LOC400499: variants seen among roughly 807,000 people sequenced by gnomAD.
chr16:11,447,776 A>C, the LOC400499 span, among the ~76,000 whole-genome samples: 533 of 152,108 alleles, frequency 3.5e-3, 2 homozygotes, highest in Non-Finnish European at 5.8e-3. Flanking sequence ...CTTTCAGGGG[A>C]GGTGGCTCTT....
the LOC400499 span, chr16:11,401,471 C>G: frequency 2.5e-6 from 1 of 399,274 alleles, no homozygotes; most frequent in African/African-American, 2.1e-5. Flanking sequence ...TTCCCACCCG[C>G]ACAGACCACC....
chr16:11,473,781 T>C, the LOC400499 span, among the ~76,000 whole-genome samples: 1 of 151,308 alleles, frequency 6.6e-6, no homozygotes, highest in Non-Finnish European at 1.5e-5. Context: ...TTATGCGATA[T>C]GTCAATAACT....
the LOC400499 span, chr16:11,460,059 G>T: frequency 1.4e-6 from 2 of 1,409,322 alleles, no homozygotes; most frequent in East Asian, 2.6e-5. Context: ...CTGGACCTGG[G>T]ACACACATGG....
chr16:11,427,186 C>T, the LOC400499 span, among the ~76,000 whole-genome samples: 3 of 151,162 alleles, frequency 2.0e-5, no homozygotes, highest in South Asian at 4.2e-4. Context: ...GGAGAAACCC[C>T]GTCTCTACTA....
At chr16:11,469,571 TG>T in the LOC400499 span, 1 of 398,980 alleles carries the variant, frequency 2.5e-6, no homozygotes, top group Non-Finnish European at 4.4e-6. Flanking sequence ...TGGGGCAAGC[TG>T]TAGCTCATGT....
chr16:11,439,178 C>T, the LOC400499 span, among the ~76,000 whole-genome samples: 1 of 152,170 alleles, frequency 6.6e-6, no homozygotes, highest in South Asian at 2.1e-4. Context: ...GATTACATGG[C>T]TTCTCCCAAG....
chr16:11,449,454 C>A, the LOC400499 span, among the ~76,000 whole-genome samples: 8 of 152,294 alleles, frequency 5.3e-5, no homozygotes, highest in African/African-American at 1.9e-4. Context: ...GCCTTCTCTC[C>A]CTGCACCATC....
At chr16:11,399,438 G>A in the LOC400499 span, 1 of 411,164 alleles carries the variant, frequency 2.4e-6, no homozygotes, top group African/African-American at 2.0e-5. Context: ...CCGCCTGGGG[G>A]TTCCCTGCCC....
chr16:11,373,757 T>C, the LOC400499 span, among the ~76,000 whole-genome samples: 2 of 152,170 alleles, frequency 1.3e-5, no homozygotes, highest in Admixed American at 1.3e-4. Context: ...GTAGCTGGGA[T>C]TACAGGTACA....
chr16:11,417,767 G>C, the LOC400499 span: 1 of 399,064 alleles, frequency 2.5e-6, no homozygotes, highest in Non-Finnish European at 4.4e-6. Context: ...GAGTAGTTGA[G>C]GAATGTGGGC....
chr16:11,462,583 C>T, the LOC400499 span: 8 of 259,552 alleles, frequency 3.1e-5, no homozygotes, highest in African/African-American at 1.2e-4. Context: ...CCACCACACC[C>T]GGCTAATTTT....
chr16:11,372,138 A>T, the LOC400499 span: 1 of 152,220 alleles, frequency 6.6e-6, no homozygotes, highest in Non-Finnish European at 1.5e-5. Flanking sequence ...CCCCTACCAA[A>T]ACAGAGGCCC....
the LOC400499 span, among the ~76,000 whole-genome samples, chr16:11,446,336 T>C: frequency 6.6e-6 from 1 of 152,070 alleles, no homozygotes. Flanking sequence ...TTTTTTTTCT[T>C]TTGTAGAAAC....
At chr16:11,489,700 C>A in the LOC400499 span, among the ~76,000 whole-genome samples, 1 of 152,208 alleles carries the variant, frequency 6.6e-6, no homozygotes, top group Admixed American at 6.5e-5. Context: ...AGGCTGAGCC[C>A]CTCAGCTGAT....
At chr16:11,469,323 G>A in the LOC400499 span, 1 of 399,228 alleles carries the variant, frequency 2.5e-6, no homozygotes, top group Non-Finnish European at 4.4e-6. Context: ...CGTCCCCCTG[G>A]GAGGACTGCC....
chr16:11,414,620 C>T, the LOC400499 span: 8 of 398,656 alleles, frequency 2.0e-5, no homozygotes, highest in East Asian at 2.1e-4. Context: ...AAACACAACA[C>T]CAGCAGGAAA....
At chr16:11,415,592 A>C in the LOC400499 span, among the ~76,000 whole-genome samples, 1 of 152,136 alleles carries the variant, frequency 6.6e-6, no homozygotes, top group Non-Finnish European at 1.5e-5. Flanking sequence ...TACCTACTAC[A>C]TGCAGGGCAC....
At chr16:11,443,049 C>T in the LOC400499 span, among the ~76,000 whole-genome samples, 5 of 152,046 alleles carry the variant, frequency 3.3e-5, no homozygotes, top group African/African-American at 7.2e-5. Context: ...AATGGCCGGG[C>T]GTGGTGGTTC....
chr16:11,440,884 C>T, the LOC400499 span: 2 of 399,086 alleles, frequency 5.0e-6, no homozygotes, highest in Admixed American at 4.4e-5. Flanking sequence ...CCGCTAACAG[C>T]CAAGCTCTGG....
Sources: allele counts gnomAD v4.1 joint callset (sites outside exome capture counted in the v4.1 genomes callset), GRCh38; gene constraint gnomAD v4.1.1; transcripts MANE v1.5.